The following PCDHGA1 variants were observed in gnomAD, a reference collection of about 807,000 sequenced individuals.
PCDHGA1 encodes the protein protocadherin gamma-A1.
Under a neutral mutation model 58.0 loss-of-function variants are expected in PCDHGA1, and 32 were observed. That is an observed-to-expected ratio of 0.55 (90% CI 0.42 to 0.74). The LOEUF (loss-of-function observed/expected upper bound fraction) is 0.74, where lower values mean the gene tolerates loss of function less well. Among genes scored for constraint, PCDHGA1 ranks in the 30% least tolerant of loss-of-function variants. PCDHGA1 has a pLI of 0.00. For missense variants in PCDHGA1, 1,205 were observed against 1,182.3 expected (o/e 1.02, Z -0.28); for synonymous variants, 498 against 501.1 (o/e 0.99, Z 0.08).
chr5:141,390,170 T>C lies in PCDHGA1; in HGVS notation c.2421+57065T>C, dbSNP rs773539625. 5 of 1,613,940 alleles carry C rather than the reference T, an allele frequency of 3.1e-6. No individual in the cohort carries two copies. In the African/African-American group the frequency reaches 6.7e-5, roughly 22 times the overall value. ...TTGCACATACAGGAAAGACGGAGTTTAATTTCCTAAAATGTAGTGAGCAGT... is the reference window on the plus strand; with the variant it reads ...TTGCACATACAGGAAAGACGGAGTTCAATTTCCTAAAATGTAGTGAGCAGT... On this transcript the variant is annotated intron_variant, in intron 1 of 3. Transcript: ENST00000517417.
intron 1 of PCDHGA1, chr5:141,364,442 G>C (rs755897877): frequency 2.5e-6 from 4 of 1,613,950 alleles, no homozygotes; most frequent in Non-Finnish European, 1.7e-6. Context: ...GATGCCGGAG[G>C]AGCTGGACAA....
In PCDHGA1 at chr5:141,431,184, T is replaced by G. The variant is rs754537015; in HGVS notation, c.2422-63623T>G. The G allele has an allele frequency of 5.6e-6, 9 of 1,614,090 alleles. No homozygotes were observed. Among genetic ancestry groups the G allele is most frequent in the Non-Finnish European group, 6.8e-6 (8 of 1,180,050 alleles). ...CGTGAAAGTGAATTAGAAATAAAAA[T>G]TAGTGAAAATGCAGCCACTGAGATG... On this transcript the variant is annotated intron_variant, in intron 1 of 3. Transcript: ENST00000517417. The surrounding 1 kb of genome is among the most constrained non-coding windows in gnomAD (Gnocchi z 4.8).
chr5:141,355,281 G>A (rs1201255791), intron 1 of PCDHGA1: 3 of 1,613,732 alleles, frequency 1.9e-6, no homozygotes, highest in Non-Finnish European at 1.7e-6. Flanking sequence ...TGGAAATCAG[G>A]GCCGAACAGA....
At chr5:141,421,797 C>T in intron 1 of PCDHGA1, 1 of 1,613,744 alleles carries the variant, frequency 6.2e-7, no homozygotes, top group Non-Finnish European at 8.5e-7. Context: ...CGGATGGGGC[C>T]AAGAATCCAG....
chr5:141,345,735 C>A, intron 1 of PCDHGA1: 1 of 1,614,226 alleles, frequency 6.2e-7, no homozygotes, highest in East Asian at 2.2e-5. Flanking sequence ...CCCCGCCCTC[C>A]CCACAGACGG....
intron 1 of PCDHGA1, chr5:141,362,033 G>A (rs1762293611): frequency 6.2e-7 from 1 of 1,609,476 alleles, no homozygotes; most frequent in Non-Finnish European, 8.5e-7. Flanking sequence ...CGTGCCTTGG[G>A]CGACAGGGAC....
intron 3 of PCDHGA1, chr5:141,508,275 T>G (rs1030431371): frequency 6.6e-6 from 1 of 152,138 alleles, no homozygotes. Context: ...ATCCCGGTCC[T>G]TGACCAAGGT....
intron 2 of PCDHGA1, among the ~76,000 whole-genome samples, chr5:141,496,078 CCCCACCCACCA>C (rs1204698458): frequency 6.6e-6 from 1 of 152,016 alleles, no homozygotes; most frequent in Non-Finnish European, 1.5e-5. Context: ...ACACACAACC[CCCCACCCACCA>C]CCCACCAACA....
intron 1 of PCDHGA1, among the ~76,000 whole-genome samples, chr5:141,483,255 G>T (rs1383670642): frequency 1.3e-5 from 2 of 152,030 alleles, no homozygotes; most frequent in African/African-American, 2.4e-5. Context: ...ATATCATGAG[G>T]TTTTTTTGTT....
intron 1 of PCDHGA1, among the ~76,000 whole-genome samples, chr5:141,363,859 G>A (rs997046368): frequency 3.9e-5 from 6 of 152,132 alleles, no homozygotes; most frequent in Non-Finnish European, 8.8e-5. Flanking sequence ...ACTAAATATA[G>A]ATAAGAGGTA....
At chr5:141,357,087 A>G in intron 1 of PCDHGA1, 2 of 1,613,882 alleles carry the variant, frequency 1.2e-6, no homozygotes, top group Non-Finnish European at 1.7e-6. Context: ...TGCGCACCGC[A>G]CGGGCCCTGC....
chr5:141,441,517 G>A (rs1316654534), intron 1 of PCDHGA1: 1 of 172,138 alleles, frequency 5.8e-6, no homozygotes, highest in South Asian at 1.3e-4. Flanking sequence ...CGTCGTCCAC[G>A]TGGCCAAGAA....
intron 1 of PCDHGA1, among the ~76,000 whole-genome samples, chr5:141,402,305 A>AT (rs2150927260): frequency 6.6e-6 from 1 of 152,140 alleles, no homozygotes; most frequent in South Asian, 2.1e-4. Flanking sequence ...GTATTAATAC[A>AT]ATTATATATT....
chr5:141,453,205 G>A lies in PCDHGA1; in HGVS notation c.2422-41602G>A, dbSNP rs570291941. On this transcript the variant is annotated intron_variant, in intron 1 of 3. Coordinates refer to ENST00000517417, the MANE Select transcript of PCDHGA1 (RefSeq NM_018912.3). ...CACAGCTCACTGCAGCCTCAACCTC[G>A]TGCACTTAAGCGATCCTCCCACCTC... Among the ~76,000 whole-genome samples the A allele has an allele frequency of 1.1e-4, 17 of 151,990 alleles. No individual in the cohort carries two copies. In the East Asian group the frequency reaches 2.5e-3, roughly 22 times the overall value.
chr5:141,375,443 C>T, intron 1 of PCDHGA1: 2 of 1,614,022 alleles, frequency 1.2e-6, no homozygotes, highest in African/African-American at 1.3e-5. Flanking sequence ...CACCTTCCCC[C>T]ATTCATCCTA....
chr5:141,409,928 G>C (rs2095338081), intron 1 of PCDHGA1: 1 of 1,613,354 alleles, frequency 6.2e-7, no homozygotes, highest in Non-Finnish European at 8.5e-7. Context: ...CGCGTTCTTC[G>C]ATATGGTACC....
At chr5:141,337,360 G>A (rs1243773090) in intron 1 of PCDHGA1, among the ~76,000 whole-genome samples, 3 of 152,154 alleles carry the variant, frequency 2.0e-5, no homozygotes, top group Non-Finnish European at 4.4e-5. Flanking sequence ...GTTGAAAAGT[G>A]GAAGTAACCC....
intron 1 of PCDHGA1, chr5:141,359,986 G>A: frequency 4.4e-6 from 4 of 913,920 alleles, no homozygotes; most frequent in Non-Finnish European, 6.1e-6. Context: ...CTCTTAGAGG[G>A]GAACTTCCTG....
chr5:141,485,601 G>T lies in PCDHGA1; in HGVS notation c.2422-9206G>T, dbSNP rs762783104. On this transcript the variant is annotated intron_variant, in intron 1 of 3. Transcript: ENST00000517417. The surrounding 1 kb of genome is among the most constrained non-coding windows in gnomAD (Gnocchi z 5.7). ...CGGCAGCAGCTGGACTTGGAAATTG[G>T]GGAGGCAGCTCCTCCAGGACAGCGT... The T allele has an allele frequency of 3.1e-6, 5 of 1,612,290 alleles. No individual in the cohort carries two copies. Among genetic ancestry groups the T allele is most frequent in the Non-Finnish European group, 4.2e-6 (5 of 1,178,722 alleles).
Sources: allele counts gnomAD v4.1 joint callset (sites outside exome capture counted in the v4.1 genomes callset), GRCh38; gene constraint gnomAD v4.1.1; non-coding constraint Gnocchi (gnomAD v3.1); transcripts MANE v1.5; gene names NCBI Gene and HGNC (gene_info 2026-07-23, HGNC 2026-07-21).